The following PDE1C variants were observed in gnomAD, a reference collection of about 807,000 sequenced individuals.
PDE1C encodes the protein phosphodiesterase 1C, also known as dual specificity calcium/calmodulin-dependent 3',5'-cyclic nucleotide phosphodiesterase 1C.
In PDE1C, 62 loss-of-function variants were observed where a neutral mutation model predicts 93.1. The observed-to-expected ratio is 0.67, with a 90% CI of 0.54 to 0.82. PDE1C has a LOEUF of 0.82. Among genes scored for constraint, PDE1C ranks in the 40% least tolerant of loss-of-function variants. The pLI, the probability that PDE1C is intolerant of heterozygous loss-of-function variation, is 0.00. For missense variants in PDE1C, 742 were observed against 884.6 expected (o/e 0.84, Z 2.04); for synonymous variants, 325 against 310.1 (o/e 1.05, Z -0.50).
chr7:31,849,558 T>A (rs1185068729), intron 8 of PDE1C, among the ~76,000 whole-genome samples: 1 of 152,218 alleles, frequency 6.6e-6, no homozygotes, highest in Non-Finnish European at 1.5e-5. Flanking sequence ...TATTGTCTTC[T>A]TTTGTGTATA....
At chr7:31,984,261 G>A (rs553252252) in intron 2 of PDE1C, among the ~76,000 whole-genome samples, 3 of 152,094 alleles carry the variant, frequency 2.0e-5, no homozygotes, top group Admixed American at 6.5e-5. Context: ...ATAGTAGCAC[G>A]AACCCTACTG....
chr7:31,755,539 A>C (rs1794403844), intron 17 of PDE1C, among the ~76,000 whole-genome samples: 1 of 151,476 alleles, frequency 6.6e-6, no homozygotes, highest in South Asian at 2.1e-4. Context: ...AAGTACCTGA[A>C]GCATCTTGTA....
intron 3 of PDE1C, among the ~76,000 whole-genome samples, chr7:32,131,642 T>G (rs1157330121): frequency 6.6e-6 from 1 of 152,132 alleles, no homozygotes; most frequent in Non-Finnish European, 1.5e-5. Flanking sequence ...ACAATATGAT[T>G]CATGATAAGA....
chr7:32,150,732 AC>A (rs537465527), intron 3 of PDE1C, among the ~76,000 whole-genome samples: 93 of 152,298 alleles, frequency 6.1e-4, no homozygotes, highest in Middle Eastern at 3.4e-3. Flanking sequence ...CCAGACCCAT[AC>A]TAAGAACCAC....
intron 17 of PDE1C, among the ~76,000 whole-genome samples, chr7:31,756,441 G>A (rs1794472856): frequency 6.6e-6 from 1 of 152,070 alleles, no homozygotes; most frequent in Admixed American, 6.6e-5. Context: ...CCAAAAATTA[G>A]GGAAGTCTGA....
chr7:32,191,886 T>C (rs1804260991), intron 2 of PDE1C, among the ~76,000 whole-genome samples: 1 of 152,222 alleles, frequency 6.6e-6, no homozygotes, highest in African/African-American at 2.4e-5. Flanking sequence ...ATTTTTATTT[T>C]AGCTGTTCGG....
chr7:32,146,193 A>C (rs1800824821), intron 3 of PDE1C, among the ~76,000 whole-genome samples: 1 of 151,918 alleles, frequency 6.6e-6, no homozygotes, highest in Non-Finnish European at 1.5e-5. Flanking sequence ...TGTTAACAGC[A>C]CTCTCTCCAG....
At chr7:32,419,633 C>G (rs563400407) in intron 1 of PDE1C, among the ~76,000 whole-genome samples, 2 of 152,164 alleles carry the variant, frequency 1.3e-5, no homozygotes, top group Non-Finnish European at 2.9e-5. Flanking sequence ...GGCTGCCTAG[C>G]CCTGGGCTTC....
chr7:32,070,857 G>A (rs920826413), upstream of PDE1C: 9 of 986,222 alleles, frequency 9.1e-6, no homozygotes, highest in African/African-American at 3.5e-5. Flanking sequence ...AGCAAAGCGG[G>A]AGCCGGCGCG....
chr7:32,081,437 T>A lies in PDE1C; in HGVS notation c.308+88348A>T, dbSNP rs1286284127. Reference sequence around the variant, plus strand: ...GAAAATCAGTCCCATTCTCACCCATTCATATAACATAGCAGAAGTACCCAC... The same window carrying A: ...GAAAATCAGTCCCATTCTCACCCATACATATAACATAGCAGAAGTACCCAC... On this transcript the variant is annotated intron_variant, in intron 3 of 18. Coordinates refer to the PDE1C transcript ENST00000396193. Among the ~76,000 whole-genome samples, 13 of 152,184 alleles carry A rather than the reference T, an allele frequency of 8.5e-5. 1 individual carries two copies. The highest frequency in any genetic ancestry group is 8.5e-4 in the Admixed American group (13 of 15,272).
chr7:31,625,236 T>C, the PDE1C span, among the ~76,000 whole-genome samples: 22 of 151,244 alleles, frequency 1.5e-4, no homozygotes, highest in African/African-American at 5.1e-4. Context: ...GGATCTAGAA[T>C]TACAAATACC....
At chr7:31,740,438 A>T in the PDE1C span, among the ~76,000 whole-genome samples, 1 of 152,224 alleles carries the variant, frequency 6.6e-6, no homozygotes, top group Admixed American at 6.5e-5. Flanking sequence ...ACTTTAAAAA[A>T]TTGAGAAAGT....
intron 17 of PDE1C, among the ~76,000 whole-genome samples, chr7:31,774,926 T>C (rs1186681942): frequency 6.6e-6 from 1 of 152,202 alleles, no homozygotes; most frequent in African/African-American, 2.4e-5. Context: ...ATTTATCTTT[T>C]ATAATCTTTC....
At chr7:31,855,503 C>T (rs1318915831) in intron 7 of PDE1C, among the ~76,000 whole-genome samples, 1 of 151,954 alleles carries the variant, frequency 6.6e-6, no homozygotes, top group Non-Finnish European at 1.5e-5. Flanking sequence ...TATTAATAAA[C>T]ACATGTGACA....
At chr7:32,180,863 G>T (rs1803352007) in intron 2 of PDE1C, among the ~76,000 whole-genome samples, 1 of 152,158 alleles carries the variant, frequency 6.6e-6, no homozygotes, top group Non-Finnish European at 1.5e-5. Flanking sequence ...AAAGTTACAT[G>T]GGAGAGAGGA....
chr7:32,257,811 G>A lies in PDE1C; in HGVS notation c.85+40840C>T, dbSNP rs141435898. Among the ~76,000 whole-genome samples the A allele has an allele frequency of 3.5e-3, 535 of 152,284 alleles. 5 individuals are homozygous for A. Among genetic ancestry groups the A allele is most frequent in the African/African-American group, 0.012 (502 of 41,548 alleles). Reference sequence around the variant, plus strand: ...CAGACACCAGCAAGGGCTCTGCCTGGTGCTCTCTGACTTGCATGGCCACAT... The same window carrying A: ...CAGACACCAGCAAGGGCTCTGCCTGATGCTCTCTGACTTGCATGGCCACAT... On this transcript the variant is annotated intron_variant, in intron 1 of 18. Coordinates refer to the PDE1C transcript ENST00000396193.
intron 2 of PDE1C, among the ~76,000 whole-genome samples, 164 bp downstream of exon 2, chr7:32,051,390 A>G (rs928634381): frequency 7.2e-5 from 11 of 152,152 alleles, no homozygotes; most frequent in African/African-American, 2.7e-4. Flanking sequence ...GCCTGCAATC[A>G]ATTTTTAATT....
At chr7:32,236,328 T>A (rs576910839) in intron 1 of PDE1C, among the ~76,000 whole-genome samples, 1 of 152,174 alleles carries the variant, frequency 6.6e-6, no homozygotes, top group Non-Finnish European at 1.5e-5. Context: ...AAATTTAAGA[T>A]GTTGCTTTGC....
intron 16 of PDE1C, among the ~76,000 whole-genome samples, chr7:31,794,810 A>G (rs1233715117): frequency 6.6e-6 from 1 of 151,994 alleles, no homozygotes; most frequent in African/African-American, 2.4e-5. Flanking sequence ...GAAGTCAGGA[A>G]GAAGCCCAGG....
Sources: allele counts gnomAD v4.1 joint callset (sites outside exome capture counted in the v4.1 genomes callset), GRCh38; gene constraint gnomAD v4.1.1; transcripts MANE v1.5; gene names NCBI Gene and HGNC (gene_info 2026-07-23, HGNC 2026-07-21).